The following SP100 variants were observed in gnomAD, a reference collection of about 807,000 sequenced individuals.
SP100 encodes the protein SP100 nuclear body protein.
In SP100, 84 loss-of-function variants were observed where a neutral mutation model predicts 130.0. The ratio of observed to expected loss-of-function variants is 0.65; its 90% CI spans 0.54 to 0.77. SP100 has a LOEUF of 0.77. Ranked by LOEUF, SP100 falls within the 30% of genes least tolerant of loss-of-function variation. The pLI, the probability that SP100 is intolerant of heterozygous loss-of-function variation, is 0.00. For missense variants in SP100, 978 were observed against 1,052.2 expected, an observed-to-expected ratio of 0.93 and a Z score of 0.97; for synonymous variants, 331 against 351.7, an observed-to-expected ratio of 0.94 and a Z score of 0.66.
At position 230,449,702 on chromosome 2, in the gene SP100, A is replaced by G; in HGVS notation, c.728A>G (p.Glu243Gly). The G allele has an allele frequency of 6.2e-7, 1 of 1,614,192 alleles. No individual in the cohort carries two copies. Among genetic ancestry groups the G allele is most frequent in the East Asian group, 2.2e-5 (1 of 44,884 alleles). ...AATGAACAATGTGCTCAAAAGGCTG[A>G]GCCAACAGGTAAGACTGACTGGGTT... ...QTNEQCAQKAEPTESCEQIAV... is the reference protein window; with the variant it reads ...QTNEQCAQKAGPTESCEQIAV... Residue 243 changes from glutamate (E) to glycine (G), a missense_variant, in exon 7 of 29, where the codon GAG becomes GGG. Transcript: ENST00000340126.
chr2:230,437,233 T>C (rs1324677789), intron 2 of SP100, among the ~76,000 whole-genome samples: 1 of 152,158 alleles, frequency 6.6e-6, no homozygotes, highest in Non-Finnish European at 1.5e-5. Context: ...TTTCTCCTTT[T>C]ATTTATTGGT....
At chr2:230,507,262 G>A (rs1393032939) in intron 22 of SP100, 1 of 152,230 alleles carries the variant, frequency 6.6e-6, no homozygotes, top group Admixed American at 6.6e-5. Flanking sequence ...CTAAGGAGGG[G>A]TAAACCAGTC....
At chr2:230,476,277 G>T (rs2065543974) in intron 17 of SP100, among the ~76,000 whole-genome samples, 2 of 152,038 alleles carry the variant, frequency 1.3e-5, no homozygotes, top group African/African-American at 4.8e-5. Context: ...GAATTCCTAG[G>T]GATCTCATTT....
At chr2:230,485,225 T>A (rs535437230) in intron 17 of SP100, among the ~76,000 whole-genome samples, 1 of 152,272 alleles carries the variant, frequency 6.6e-6, no homozygotes, top group South Asian at 2.1e-4. Flanking sequence ...GTAGCTGGGA[T>A]GACAGGCATG....
chr2:230,514,268 CAAT>C (rs941282761), intron 24 of SP100, among the ~76,000 whole-genome samples: 8 of 152,170 alleles, frequency 5.3e-5, no homozygotes, highest in African/African-American at 1.7e-4. Context: ...AGAAATAAAA[CAAT>C]GAGTGATTCA....
At chr2:230,418,109 A>T (rs113002832) in intron 2 of SP100, among the ~76,000 whole-genome samples, 4,798 of 152,182 alleles carry the variant, frequency 0.032, 133 homozygotes, top group Non-Finnish European at 0.05. Flanking sequence ...ATCTCTGAAA[A>T]TTTTTTAAAT....
At chr2:230,461,104 G>A (rs1162017344) in intron 8 of SP100, among the ~76,000 whole-genome samples, 158 bp from the exon 9 acceptor site, 1 of 152,064 alleles carries the variant, frequency 6.6e-6, no homozygotes, top group Non-Finnish European at 1.5e-5. Flanking sequence ...AGCCAAGAGA[G>A]GCACAAAGGA....
chr2:230,528,186 G>A (rs141603323), intron 24 of SP100, among the ~76,000 whole-genome samples: 144 of 152,146 alleles, frequency 9.5e-4, no homozygotes, highest in African/African-American at 3.0e-3. Context: ...GTAGTAAAAC[G>A]CTCCTCAGCA....
intron 8 of SP100, among the ~76,000 whole-genome samples, chr2:230,451,637 T>A (rs7596909): frequency 2.0e-4 from 31 of 152,344 alleles, no homozygotes; most frequent in African/African-American, 7.2e-4. Flanking sequence ...ATGCAGAAGC[T>A]TTTTAGTTTG....
At chr2:230,482,575 ATT>A (rs374028987) in intron 17 of SP100, among the ~76,000 whole-genome samples, 27 of 148,574 alleles carry the variant, frequency 1.8e-4, no homozygotes, top group Middle Eastern at 3.5e-3. Flanking sequence ...TTTAGAATTG[ATT>A]TTTTTTTTTT....
intron 17 of SP100, among the ~76,000 whole-genome samples, chr2:230,481,366 A>G (rs1308538032): frequency 6.6e-6 from 1 of 152,158 alleles, no homozygotes; most frequent in Non-Finnish European, 1.5e-5. Context: ...AGTAATCCTC[A>G]TCTCAGTAAA....
chr2:230,536,824 C>G (rs978739611), intron 24 of SP100, among the ~76,000 whole-genome samples: 1 of 127,714 alleles, frequency 7.8e-6, no homozygotes, highest in Admixed American at 8.0e-5. Context: ...AAACTGAACC[C>G]CTGGTATTTC....
intron 15 of SP100, chr2:230,470,539 T>C (rs1005646037): frequency 5.3e-5 from 23 of 430,112 alleles, no homozygotes; most frequent in Non-Finnish European, 6.8e-5. Context: ...AACGTTAGTA[T>C]AGTTTTTGGT....
In SP100 at chr2:230,506,464, G is replaced by C; in HGVS notation, c.2013+19G>C. 1 of 1,611,958 alleles carries C rather than the reference G, an allele frequency of 6.2e-7. No homozygotes were observed. The highest frequency in any genetic ancestry group is 8.5e-7 in the Non-Finnish European group (1 of 1,178,484). ...GATGGAGGTATTCTAGTGACAGATG[G>C]CTGAAACCAAGGATTTAGCTGTCAT... On this transcript the variant is annotated intron_variant, in intron 22 of 28. Coordinates refer to ENST00000340126, the MANE Select transcript of SP100 (RefSeq NM_001080391.2).
intron 22 of SP100, among the ~76,000 whole-genome samples, chr2:230,507,599 C>T (rs969193386): frequency 2.0e-5 from 3 of 152,090 alleles, no homozygotes; most frequent in African/African-American, 4.8e-5. Context: ...AAGAGAAAGT[C>T]ATTTCTGGCT....
In SP100 at chr2:230,543,068, G is replaced by T; in HGVS notation, c.*122G>T. The T allele has an allele frequency of 1.8e-6, 1 of 565,858 alleles. No homozygotes were observed. The highest frequency in any genetic ancestry group is 3.5e-5 in the Admixed American group (1 of 28,784). 35.1% of individuals were successfully genotyped at this position (565,858 alleles called of 1,614,324 possible). A position where few individuals can be genotyped will look rare whatever the true frequency, so the allele number is the denominator to read the frequency against. ...TCACAATTCTCCAAAATTTATCATT[G>T]CCATTTTAAAACCGTCTTTTCAGCT... On this transcript the variant is annotated 3_prime_UTR_variant, in exon 29 of 29. Coordinates refer to ENST00000340126, the MANE Select transcript of SP100 (RefSeq NM_001080391.2).
At chr2:230,532,536 T>TAA (rs58480173) in intron 24 of SP100, among the ~76,000 whole-genome samples, 131 of 148,030 alleles carry the variant, frequency 8.8e-4, no homozygotes, top group East Asian at 7.1e-3. Context: ...TAAGTAGTAA[T>TAA]AAAAAAAAAA....
chr2:230,472,628 G>A (rs2149998256), intron 15 of SP100, among the ~76,000 whole-genome samples: 1 of 152,078 alleles, frequency 6.6e-6, no homozygotes, highest in East Asian at 1.9e-4. Flanking sequence ...ACAACAAGAA[G>A]TATGTAGAGA....
chr2:230,501,088 A>C (rs1021817263), intron 19 of SP100, among the ~76,000 whole-genome samples: 2 of 151,756 alleles, frequency 1.3e-5, no homozygotes, highest in Non-Finnish European at 2.9e-5. Context: ...CTAAAAATAC[A>C]AAAATTAGCC....
Sources: allele counts gnomAD v4.1 joint callset (sites outside exome capture counted in the v4.1 genomes callset), GRCh38; gene constraint gnomAD v4.1.1; transcripts MANE v1.5; gene names NCBI Gene and HGNC (gene_info 2026-07-23, HGNC 2026-07-21).